The following RPS6KA6 variants were observed in gnomAD, a reference collection of about 807,000 sequenced individuals.
RPS6KA6 encodes ribosomal protein S6 kinase alpha-6.
Under a neutral mutation model 65.4 loss-of-function variants are expected in RPS6KA6, and 27 were observed. The ratio of observed to expected loss-of-function variants is 0.41; its 90% CI spans 0.30 to 0.57. The LOEUF is 0.57. Among genes scored for constraint, RPS6KA6 ranks in the 20% least tolerant of loss-of-function variants. The pLI, the probability that RPS6KA6 is intolerant of heterozygous loss-of-function variation, is 0.24. For synonymous variants in RPS6KA6, 190 were observed against 184.2 expected, an observed-to-expected ratio of 1.03 and a Z score of -0.26; for missense variants, 486 against 555.6, an observed-to-expected ratio of 0.87 and a Z score of 1.26.
In RPS6KA6 at chrX:84,151,813, AAT is replaced by A. The variant is rs2035331870; in HGVS notation, c.259-3692_259-3691del. Among the ~76,000 whole-genome samples, 6 of 112,290 alleles carry A rather than the reference AAT, an allele frequency of 5.3e-5. No individual in the cohort carries two copies. The South Asian group carries it at 2.2e-3, about 41-fold the overall frequency. ...GCATATGTAATAAAATGAAGACTAC[AAT>A]GACTACTGGTACCATTTGAAGTCAC... On this transcript the variant is annotated intron_variant, in intron 3 of 21. Transcript: ENST00000262752.
At chrX:84,093,987 G>A (rs1016998953) in intron 20 of RPS6KA6, among the ~76,000 whole-genome samples, 1 of 111,129 alleles carries the variant, frequency 9.0e-6, no homozygotes, top group Non-Finnish European at 1.9e-5. Flanking sequence ...CTAACACAAA[G>A]TTTGAGATTT....
intron 14 of RPS6KA6, 104 bp downstream of exon 14, chrX:84,106,802 TAAAC>T (rs1038473963): frequency 2.6e-5 from 17 of 643,158 alleles, no homozygotes; most frequent in South Asian, 3.7e-5. Flanking sequence ...TACCAATAGA[TAAAC>T]AAAGAAGTTA....
In RPS6KA6 at chrX:84,108,032, C is replaced by T. The variant is rs180949608; in HGVS notation, c.1009-307G>A. On this transcript the variant is annotated intron_variant, in intron 12 of 21. Transcript: ENST00000262752. ...ATACAGCACAGTAATAACTAAAATG[C>T]TCAAGGCTTTCAAAATCAATAATTA... 9.8e-5 allele frequency among the ~76,000 whole-genome samples: 11 copies of T among 111,827 alleles called. No homozygotes were observed. In the East Asian group the frequency reaches 3.1e-3, roughly 31 times the overall value.
rs754831104 is a variant in RPS6KA6, at chrX:84,104,035, C to A, written c.1614+464G>T. On this transcript the variant is annotated intron_variant, in intron 17 of 21. Transcript: ENST00000262752. ...AAAGGACAGGAAGCAAAATAACAAGCCTGCCCCTTCACCACAAAATTTAAT... is the reference window on the plus strand; with the variant it reads ...AAAGGACAGGAAGCAAAATAACAAGACTGCCCCTTCACCACAAAATTTAAT... Among the ~76,000 whole-genome samples, 22 of 110,468 alleles carry A rather than the reference C, an allele frequency of 2.0e-4. No individual in the cohort carries two copies. The South Asian group carries it at 7.6e-3, about 38-fold the overall frequency.
intron 1 of RPS6KA6, among the ~76,000 whole-genome samples, chrX:84,177,712 T>G (rs1253835733): frequency 8.9e-6 from 1 of 112,523 alleles, no homozygotes; most frequent in African/African-American, 3.2e-5. Context: ...GAAGGTAGTT[T>G]TAAAATGTTT....
intron 9 of RPS6KA6, among the ~76,000 whole-genome samples, chrX:84,118,717 G>A (rs1371162418): frequency 9.0e-6 from 1 of 111,482 alleles, no homozygotes; most frequent in Non-Finnish European, 1.9e-5. Flanking sequence ...TGCTACCAAG[G>A]TTAACAACTG....
At chrX:84,079,429 TTTTC>T (rs1324719733) in intron 20 of RPS6KA6, among the ~76,000 whole-genome samples, 1 of 109,779 alleles carries the variant, frequency 9.1e-6, no homozygotes, top group African/African-American at 3.3e-5. Flanking sequence ...GTTTTTTTTT[TTTTC>T]TTTTTCATAC....
intron 1 of RPS6KA6, among the ~76,000 whole-genome samples, chrX:84,164,827 C>T (rs2035572726): frequency 9.0e-6 from 1 of 111,436 alleles, no homozygotes; most frequent in African/African-American, 3.3e-5. Flanking sequence ...AATTAAACAT[C>T]ATGACATACT....
At chrX:84,113,867 T>C (rs1295752746) in intron 12 of RPS6KA6, among the ~76,000 whole-genome samples, 1 of 111,650 alleles carries the variant, frequency 9.0e-6, no homozygotes, top group Admixed American at 9.5e-5. Context: ...TATAATATGA[T>C]ACTGAGAAAA....
chrX:84,083,911 A>C (rs2033860028), intron 20 of RPS6KA6, among the ~76,000 whole-genome samples: 1 of 112,352 alleles, frequency 8.9e-6, no homozygotes, highest in Non-Finnish European at 1.9e-5. Context: ...AATAATTGCC[A>C]TTCTAACTGG....
At chrX:84,161,211 G>A (rs1464334171) in intron 2 of RPS6KA6, among the ~76,000 whole-genome samples, 5 of 111,231 alleles carry the variant, frequency 4.5e-5, no homozygotes, top group Non-Finnish European at 9.5e-5. Context: ...AACTTACAGT[G>A]AGTTTATCCA....
intron 3 of RPS6KA6, among the ~76,000 whole-genome samples, chrX:84,153,857 A>G (rs1015325230): frequency 4.5e-5 from 5 of 111,626 alleles, no homozygotes; most frequent in Non-Finnish European, 9.4e-5. Flanking sequence ...GAACTACATA[A>G]AGATCACTAT....
At chrX:84,075,438 T>C (rs1045298732) in intron 20 of RPS6KA6, among the ~76,000 whole-genome samples, 1 of 111,225 alleles carries the variant, frequency 9.0e-6, no homozygotes. Context: ...GCAGTTGAAG[T>C]CCCAGAAGAA....
chrX:84,105,964 G>A lies in RPS6KA6; in HGVS notation c.1366-88C>T, dbSNP rs531333523. 12 of 487,413 alleles carry A rather than the reference G, an allele frequency of 2.5e-5. No individual in the cohort carries two copies. The Admixed American group carries it at 4.2e-4, about 17-fold the overall frequency. The allele number at this position is 487,413 out of a possible 1,213,427, so 40.2% of individuals were successfully genotyped here. A position where few individuals can be genotyped will look rare whatever the true frequency, so the allele number is the denominator to read the frequency against. On this transcript the variant is annotated intron_variant, in intron 15 of 21. Transcript: ENST00000262752. The stretch of plus-strand genomic sequence containing the variant: ...TTTTCCATTTGGTTATATTTTTGAA[G>A]AAATGCTTAAAAACTCAAGAACAAT...
chrX:84,145,418 A>G, intron 6 of RPS6KA6, 60 bp downstream of exon 6: 3 of 738,344 alleles, frequency 4.1e-6, no homozygotes, highest in Non-Finnish European at 6.0e-6. Flanking sequence ...GCAGAAGAAC[A>G]AAAGTGATTT....
rs1215756328 is a variant in RPS6KA6, at chrX:84,061,397, A to G, written c.*2880T>C. 8.9e-6 allele frequency: 1 copy of G among 111,982 alleles called. No individual in the cohort carries two copies. Among genetic ancestry groups the G allele is most frequent in the Non-Finnish European group, 1.9e-5 (1 of 53,086 alleles). The allele number at this position is 111,982 out of a possible 1,213,427, so 9.2% of individuals were successfully genotyped here. ...TTGAGCCAAACAGAGGTGCTATCAA[A>G]ATTGTTTTATTATATTGAATTACCA... On this transcript the variant is annotated 3_prime_UTR_variant, in exon 22 of 22. Transcript: ENST00000262752.
intron 2 of RPS6KA6, among the ~76,000 whole-genome samples, chrX:84,159,065 CAT>C (rs1321790342): frequency 1.8e-5 from 2 of 110,873 alleles, no homozygotes; most frequent in African/African-American, 3.3e-5. Flanking sequence ...CGTGCACACA[CAT>C]ATACACATGT....
intron 20 of RPS6KA6, among the ~76,000 whole-genome samples, chrX:84,075,485 G>GC (rs1450089297): frequency 1.8e-5 from 2 of 110,434 alleles, no homozygotes; most frequent in Non-Finnish European, 1.9e-5. Flanking sequence ...ATAAATAATG[G>GC]CCCCCAAATG....
At position 84,096,075 on chromosome X, in the gene RPS6KA6, T is replaced by G. The variant is rs1007110567; in HGVS notation, c.1971+119A>C. ...CTGTTCAATTCACTCATAGATGTGT[T>G]AATTCAAAACACTTACATATGACAC... On this transcript the variant is annotated intron_variant, in intron 20 of 21. Coordinates refer to ENST00000262752, the MANE Select transcript of RPS6KA6 (RefSeq NM_014496.5). 7.8e-6 allele frequency: 4 copies of G among 510,912 alleles called. No individual in the cohort carries two copies. In the East Asian group the frequency reaches 1.1e-4, roughly 14 times the overall value. 42.1% of individuals were successfully genotyped at this position (510,912 alleles called of 1,213,427 possible).
Sources: allele counts gnomAD v4.1 joint callset (sites outside exome capture counted in the v4.1 genomes callset), GRCh38; gene constraint gnomAD v4.1.1; transcripts MANE v1.5; gene names NCBI Gene and HGNC (gene_info 2026-07-23, HGNC 2026-07-21).